Variants in ZNF98 observed in about 807,000 individuals in gnomAD.
The protein encoded by ZNF98 is zinc finger protein 739.
A neutral mutation model predicts 12.8 loss-of-function variants in ZNF98; 8 were observed. The observed-to-expected ratio is 0.63, with a 90% confidence interval of 0.37 to 1.13. ZNF98 has a LOEUF of 1.13. ZNF98 is among the 50% of genes most tolerant of loss of function. ZNF98 has a pLI of 0.01. For synonymous variants in ZNF98, 112 were observed against 223.5 expected (o/e 0.50, Z 4.45); for missense variants, 379 against 666.1 (o/e 0.57, Z 4.74).
chr19:22,419,886 C>T (rs1455180180), intron 1 of ZNF98, among the ~76,000 whole-genome samples: 1 of 151,932 alleles, frequency 6.6e-6, no homozygotes, highest in African/African-American at 2.4e-5. Context: ...AGGCTGGGCA[C>T]GGTGGCTCAG....
rs975504093 is a variant in ZNF98 at position 22,391,250 on chromosome 19, G to T, written c.*266C>A. The T allele has an allele frequency of 8.8e-6, 5 of 568,876 alleles. No individual in the cohort carries two copies. The highest frequency in any genetic ancestry group is 1.4e-5 in the Non-Finnish European group (5 of 359,114). The allele number at this position is 568,876 out of a possible 1,614,324, so 35.2% of individuals were successfully genotyped here. On this transcript the variant is annotated 3_prime_UTR_variant, in exon 4 of 4. Transcript: ENST00000357774. ...ATGCTTATATTTTCTGAACTCTTTT[G>T]ACAGTAATTGCACCTTTAATGCTAT...
At chr19:22,409,414 T>C (rs893460902) in intron 1 of ZNF98, among the ~76,000 whole-genome samples, 9 of 151,836 alleles carry the variant, frequency 5.9e-5, no homozygotes, top group African/African-American at 2.2e-4. Context: ...CAAAAGCAAT[T>C]GCAACAAAAG....
At chr19:22,400,986 A>G (rs1287017443) in intron 3 of ZNF98, among the ~76,000 whole-genome samples, 1 of 151,094 alleles carries the variant, frequency 6.6e-6, no homozygotes, top group African/African-American at 2.4e-5. Flanking sequence ...AAAAAAAAAC[A>G]AGAAAAACTT....
At chr19:22,410,244 T>A (rs1969566239) in intron 1 of ZNF98, among the ~76,000 whole-genome samples, 1 of 152,146 alleles carries the variant, frequency 6.6e-6, no homozygotes, top group Non-Finnish European at 1.5e-5. Flanking sequence ...GCAATCCCAT[T>A]ACTGGGTATA....
chr19:22,410,202 A>G (rs569726353), intron 1 of ZNF98, among the ~76,000 whole-genome samples: 35 of 152,318 alleles, frequency 2.3e-4, no homozygotes, highest in African/African-American at 7.7e-4. Context: ...TGATTCCTCA[A>G]GGATCTAGAA....
chr19:22,394,347 A>G (rs2145107123), intron 3 of ZNF98, among the ~76,000 whole-genome samples: 1 of 152,036 alleles, frequency 6.6e-6, no homozygotes, highest in Admixed American at 6.6e-5. Flanking sequence ...TATATACCCA[A>G]AGGATTATAA....
At position 22,391,093 on chromosome 19, in the gene ZNF98, T is replaced by A. The variant is rs1291167908; in HGVS notation, c.*423A>T. The A allele has an allele frequency of 6.3e-6, 1 of 157,736 alleles. No individual in the cohort carries two copies. The highest frequency in any genetic ancestry group is 1.4e-5 in the Non-Finnish European group (1 of 71,532). 9.8% of individuals were successfully genotyped at this position (157,736 alleles called of 1,614,324 possible). A position where few individuals can be genotyped will look rare whatever the true frequency, so the allele number is the denominator to read the frequency against. The stretch of plus-strand genomic sequence containing the variant: ...TAAATTCTCTGATGTTGAACAAAGT[T>A]TGAGCAATTGCCTCAGGGTTTGCTC... On this transcript the variant is annotated 3_prime_UTR_variant, in exon 4 of 4. Coordinates refer to ENST00000357774, the MANE Select transcript of ZNF98 (RefSeq NM_001098626.2).
In ZNF98 at chr19:22,422,068, C is replaced by T. The variant is rs1015144656; in HGVS notation, c.30+127G>A. On this transcript the variant is annotated intron_variant, in intron 1 of 3. Transcript: ENST00000357774. ...TGAAGGGGACTGAGGCCGAGCTAGGCAAGGAGAACTAGGGGCACGGATTGT... is the reference window on the plus strand; with the variant it reads ...TGAAGGGGACTGAGGCCGAGCTAGGTAAGGAGAACTAGGGGCACGGATTGT... 86 of 1,240,390 alleles carry T rather than the reference C, an allele frequency of 6.9e-5. No individual in the cohort carries two copies. In the East Asian group the frequency reaches 2.0e-3, roughly 29 times the overall value. 76.8% of individuals were successfully genotyped at this position (1,240,390 alleles called of 1,614,324 possible). A position where few individuals can be genotyped will look rare whatever the true frequency, so the allele number is the denominator to read the frequency against.
intron 1 of ZNF98, among the ~76,000 whole-genome samples, chr19:22,416,402 G>A (rs1329414042): frequency 2.6e-5 from 4 of 152,066 alleles, no homozygotes; most frequent in East Asian, 1.9e-4. Flanking sequence ...CCCGGGAGGC[G>A]GAGCTTGCAG....
chr19:22,396,055 A>AAC (rs1969389412), intron 3 of ZNF98, among the ~76,000 whole-genome samples: 1 of 151,852 alleles, frequency 6.6e-6, no homozygotes, highest in African/African-American at 2.4e-5. Context: ...ATTAAAAAAA[A>AAC]ACACATAATC....
In ZNF98 at chr19:22,392,631, T is replaced by C; in HGVS notation, c.604A>G (p.Arg202Gly). 2 of 1,591,634 alleles carry C rather than the reference T, an allele frequency of 1.3e-6. No individual in the cohort carries two copies. Among genetic ancestry groups the C allele is most frequent in the East Asian group, 4.5e-5 (2 of 44,362 alleles). Residue 202 changes from arginine (R) to glycine (G), a missense_variant, in exon 4 of 4, where the codon AGA becomes GGA. Arg to Gly is a moderately radical substitution (Grantham distance 125). Coordinates refer to ENST00000357774, the MANE Select transcript of ZNF98 (RefSeq NM_001098626.2). ...TAGGGTTTCTCTCCACTATGAATTC[T>C]TTTATGTTGAGCTAAGTGTGAAAGC... ...CMLSHLAQHK[R>G]IHSGEKPYKC...
chr19:22,420,392 G>A (rs1436293347), intron 1 of ZNF98, among the ~76,000 whole-genome samples: 2 of 152,046 alleles, frequency 1.3e-5, no homozygotes, highest in Admixed American at 6.6e-5. Flanking sequence ...TGTCTTTTGG[G>A]ATACTATTTT....
Position 22,392,778 on chromosome 19 carries a change from T to C in ZNF98, c.457A>G (p.Ile153Val). 1 of 1,612,828 alleles carries C rather than the reference T, an allele frequency of 6.2e-7. No homozygotes were observed. Among genetic ancestry groups the C allele is most frequent in the Non-Finnish European group, 8.5e-7 (1 of 1,179,448 alleles). Reference sequence around the variant, plus strand: ...TTCACATATTTGTCATATTGAAATATTTTGTTCTGGGTAGTTGTCAAACAC... The same window carrying C: ...TTCACATATTTGTCATATTGAAATACTTTGTTCTGGGTAGTTGTCAAACAC... ...NQCLTTTQNK[I>V]FQYDKYVKVF... is the part of the protein sequence containing the mutation. The change falls in exon 4 of 4, where the codon ATA becomes GTA. Residue 153 changes from isoleucine (I) to valine (V), a missense_variant. Around this residue, in one of 8 missense-constraint regions of ZNF98, gnomAD observed 223 missense variants for 261.6 expected, o/e 0.85. Transcript: ENST00000357774.
At chr19:22,404,894 G>A (rs1969502514) in intron 1 of ZNF98, among the ~76,000 whole-genome samples, 1 of 152,124 alleles carries the variant, frequency 6.6e-6, no homozygotes, top group Non-Finnish European at 1.5e-5. Flanking sequence ...ATGGAGAACA[G>A]AGATAGAACC....
chr19:22,399,610 T>A (rs1969434679), intron 3 of ZNF98, among the ~76,000 whole-genome samples: 4 of 152,212 alleles, frequency 2.6e-5, no homozygotes, highest in Admixed American at 1.3e-4. Context: ...ATTTCCTTTT[T>A]GTCTGTCTAC....
chr19:22,408,861 C>T (rs1969550425), intron 1 of ZNF98, among the ~76,000 whole-genome samples: 2 of 152,110 alleles, frequency 1.3e-5, no homozygotes, highest in Admixed American at 1.3e-4. Flanking sequence ...GCCATACTGC[C>T]CAAAGTAATT....
chr19:22,395,581 T>TAAAAA (rs796130101), intron 3 of ZNF98, among the ~76,000 whole-genome samples: 1 of 149,332 alleles, frequency 6.7e-6, no homozygotes, highest in Non-Finnish European at 1.5e-5. Flanking sequence ...ATCAAAATAT[T>TAAAAA]AAAAAAAAAC....
intron 3 of ZNF98, among the ~76,000 whole-genome samples, chr19:22,399,677 G>A (rs1369535386): frequency 1.3e-5 from 2 of 152,112 alleles, no homozygotes; most frequent in African/African-American, 4.8e-5. Context: ...TGTCCTAAAT[G>A]TCTAAATCTA....
chr19:22,409,426 CA>C (rs1969556926), intron 1 of ZNF98, among the ~76,000 whole-genome samples: 1 of 151,938 alleles, frequency 6.6e-6, no homozygotes, highest in Admixed American at 6.6e-5. Context: ...CAACAAAAGC[CA>C]AAATTGAAGA....
Sources: allele counts gnomAD v4.1 joint callset (sites outside exome capture counted in the v4.1 genomes callset), GRCh38; gene constraint gnomAD v4.1.1; regional missense constraint gnomAD v4.1.1; transcripts MANE v1.5; gene names NCBI Gene and HGNC (gene_info 2026-07-23, HGNC 2026-07-21).